The following DCBLD1 variants were observed in gnomAD, a reference collection of about 807,000 sequenced individuals.
DCBLD1 encodes the protein discoidin, CUB and LCCL domain containing 1, also known as discoidin, CUB and LCCL domain-containing protein 1.
DCBLD1 carries 57 observed loss-of-function variants against 71.5 expected under a neutral mutation model. The observed-to-expected ratio is 0.80, with a 90% CI of 0.64 to 0.99. The LOEUF (loss-of-function observed/expected upper bound fraction) is 0.99, where lower values mean the gene tolerates loss of function less well. Among genes scored for constraint, DCBLD1 ranks in the 50% least tolerant of loss-of-function variants. The pLI is 0.00. For missense variants in DCBLD1, 891 were observed against 923.5 expected (o/e 0.96, Z 0.46); for synonymous variants, 380 against 363.8 (o/e 1.04, Z -0.51).
At chr6:117,490,460 T>C (rs914637498) in intron 1 of DCBLD1, among the ~76,000 whole-genome samples, 1 of 152,222 alleles carries the variant, frequency 6.6e-6, no homozygotes. Context: ...GGCCAACTTA[T>C]AATTGATGTG....
chr6:117,568,593 C>T (rs1012243499), intron 14 of DCBLD1, among the ~76,000 whole-genome samples: 3 of 152,142 alleles, frequency 2.0e-5, no homozygotes, highest in Admixed American at 6.5e-5. Flanking sequence ...CTCTTGTCAG[C>T]TAATGCTTTA....
chr6:117,504,063 A>G (rs1330884617), intron 2 of DCBLD1, 84 bp downstream of exon 2: 12 of 1,396,936 alleles, frequency 8.6e-6, no homozygotes, highest in African/African-American at 1.4e-5. Context: ...AATTAACGCT[A>G]TATCATGAGA....
At chr6:117,531,836 T>C (rs551510470) in intron 5 of DCBLD1, among the ~76,000 whole-genome samples, 4 of 152,354 alleles carry the variant, frequency 2.6e-5, no homozygotes, top group South Asian at 4.1e-4. Flanking sequence ...GGATCTGTTA[T>C]CGATTTCTGC....
chr6:117,544,418 C>G (rs1779197303), intron 12 of DCBLD1, 110 bp from the exon 13 acceptor site: 13 of 989,274 alleles, frequency 1.3e-5, no homozygotes, highest in Non-Finnish European at 1.8e-5. Context: ...TCATTTAATT[C>G]TCACATCAAC....
chr6:117,501,253 G>A (rs1025885333), intron 1 of DCBLD1, among the ~76,000 whole-genome samples: 1 of 152,170 alleles, frequency 6.6e-6, no homozygotes, highest in Admixed American at 6.5e-5. Flanking sequence ...AGGGTGTTTG[G>A]CTCCTTTCAA....
intron 14 of DCBLD1, chr6:117,560,976 C>G (rs1170965735): frequency 4.7e-6 from 1 of 213,176 alleles, no homozygotes; most frequent in Non-Finnish European, 9.5e-6. Flanking sequence ...GAACTAATAA[C>G]TAATTCTTAG....
chr6:117,558,447 A>T (rs1016135278), intron 14 of DCBLD1, among the ~76,000 whole-genome samples: 5 of 152,052 alleles, frequency 3.3e-5, no homozygotes, highest in African/African-American at 1.2e-4. Flanking sequence ...CAATTTAATA[A>T]TTTTTTCCAA....
chr6:117,539,172 A>G (rs2114546941), intron 8 of DCBLD1, 83 bp from the exon 9 acceptor site: 1 of 1,278,286 alleles, frequency 7.8e-7, no homozygotes, highest in African/African-American at 1.5e-5. Context: ...AATGAGGGAG[A>G]AAAAAATGAA....
chr6:117,561,105 C>T (rs1583045168), intron 14 of DCBLD1: 2 of 223,538 alleles, frequency 8.9e-6, no homozygotes, highest in East Asian at 1.3e-4. Context: ...TTATAAACCA[C>T]AGTGAAGCAG....
At chr6:117,547,275 C>G (rs892219163) in intron 14 of DCBLD1, among the ~76,000 whole-genome samples, 2 of 152,206 alleles carry the variant, frequency 1.3e-5, no homozygotes, top group African/African-American at 4.8e-5. Context: ...CCTACTCCAT[C>G]GCCCCATTGT....
Position 117,487,205 on chromosome 6 carries a change from T to C in DCBLD1, c.112+4312T>C, listed in dbSNP as rs142428681. Among the ~76,000 whole-genome samples the C allele has an allele frequency of 2.2e-4, 33 of 152,250 alleles. No homozygotes were observed. The East Asian group carries it at 6.2e-3, about 28-fold the overall frequency. The stretch of plus-strand genomic sequence containing the variant: ...CTTCCTCCTACTAGATTATAAGGTC[T>C]ATGAGTTTTGTGCCTTGAACAGTGG... On this transcript the variant is annotated intron_variant, in intron 1 of 14. Transcript: ENST00000338728.
At chr6:117,538,042 A>G (rs1184231028) in intron 7 of DCBLD1, among the ~76,000 whole-genome samples, 2 of 152,220 alleles carry the variant, frequency 1.3e-5, no homozygotes, top group East Asian at 1.9e-4. Context: ...AATGTATTCT[A>G]TGTAAATATT....
At chr6:117,488,508 G>C (rs1055181922) in intron 1 of DCBLD1, among the ~76,000 whole-genome samples, 2 of 152,082 alleles carry the variant, frequency 1.3e-5, no homozygotes, top group Non-Finnish European at 2.9e-5. Context: ...TGCCGGGCGT[G>C]GTGGCACATG....
At chr6:117,530,591 C>T (rs1778683940) in intron 5 of DCBLD1, among the ~76,000 whole-genome samples, 1 of 152,168 alleles carries the variant, frequency 6.6e-6, no homozygotes, top group Non-Finnish European at 1.5e-5. Flanking sequence ...ACATCCAGTC[C>T]AGGCTTGTCA....
At chr6:117,518,765 C>A (rs539206650) in intron 2 of DCBLD1, among the ~76,000 whole-genome samples, 4 of 152,282 alleles carry the variant, frequency 2.6e-5, no homozygotes. Flanking sequence ...AAACACCTTC[C>A]CCCATGATTC....
At position 117,548,096 on chromosome 6, in the gene DCBLD1, C is replaced by CGCCCATCGTGGA; in HGVS notation, c.1808_1819dup (p.Pro603_Glu606dup). On this transcript the variant is annotated inframe_insertion, in exon 15 of 15. Coordinates refer to ENST00000338728, the MANE Select transcript of DCBLD1 (RefSeq NM_001366458.2). ...GCGCCCCCGGAGCCCGAGTACGCCA[C>CGCCCATCGTGGA]GCCCATCGTGGAGCGGCACGTGCTG... is the stretch of plus-strand genomic sequence containing the variant. 6.5e-7 allele frequency: 1 copy of CGCCCATCGTGGA among 1,549,528 alleles called. No individual in the cohort carries two copies. Among genetic ancestry groups the CGCCCATCGTGGA allele is most frequent in the Non-Finnish European group, 8.7e-7 (1 of 1,146,424 alleles).
intron 2 of DCBLD1, among the ~76,000 whole-genome samples, chr6:117,518,007 T>G (rs9689948): frequency 0.067 from 10,266 of 152,312 alleles, 837 homozygotes; most frequent in African/African-American, 0.19. Flanking sequence ...CTTGAATTTC[T>G]CCTCAGAAAA....
intron 14 of DCBLD1, among the ~76,000 whole-genome samples, chr6:117,567,873 T>C (rs1036022468): frequency 7.9e-5 from 12 of 151,950 alleles, no homozygotes; most frequent in Non-Finnish European, 1.2e-4. Context: ...TGTCATTCTT[T>C]AACAATGAAA....
At chr6:117,490,332 G>A (rs2114369430) in intron 1 of DCBLD1, among the ~76,000 whole-genome samples, 1 of 151,124 alleles carries the variant, frequency 6.6e-6, no homozygotes, top group African/African-American at 2.4e-5. Context: ...TTTATTACTT[G>A]GAAAAATTCC....
Sources: gnomAD v4.1 joint callset for allele counts (sites outside exome capture counted in the v4.1 genomes callset) on GRCh38, gnomAD v4.1.1 for gene constraint, MANE v1.5 for transcripts, NCBI Gene and HGNC (gene_info 2026-07-23, HGNC 2026-07-21) for gene names.